Variants in FBXW10B observed in about 807,000 individuals in gnomAD.
FBXW10B encodes F-box and WD repeat domain containing protein 10B.
chr17:15,610,296 C>T, the FBXW10B span, among the ~76,000 whole-genome samples: 1 of 152,220 alleles, frequency 6.6e-6, no homozygotes, highest in Non-Finnish European at 1.5e-5. Flanking sequence ...CACTCTCTTA[C>T]AGACTAAGAG....
the FBXW10B span, among the ~76,000 whole-genome samples, chr17:15,611,560 G>A: frequency 1.3e-5 from 2 of 152,060 alleles, no homozygotes; most frequent in African/African-American, 4.8e-5. Context: ...CACACCGTCC[G>A]CTACTCCCCA....
the FBXW10B span, chr17:15,618,921 T>G: frequency 5.1e-6 from 8 of 1,557,792 alleles, no homozygotes; most frequent in Non-Finnish European, 6.9e-6. Context: ...ACCTATGTTG[T>G]CTACAACTGC....
chr17:15,601,727 C>T, the FBXW10B span, among the ~76,000 whole-genome samples: 4 of 152,160 alleles, frequency 2.6e-5, no homozygotes, highest in African/African-American at 9.7e-5. Flanking sequence ...AAATTCAATG[C>T]AGCCCAAATA....
At chr17:15,604,628 G>A in the FBXW10B span, among the ~76,000 whole-genome samples, 7 of 151,938 alleles carry the variant, frequency 4.6e-5, no homozygotes, top group Non-Finnish European at 5.9e-5. Context: ...TCCACCTCCC[G>A]GGTTCACACC....
the FBXW10B span, among the ~76,000 whole-genome samples, chr17:15,582,349 A>G: frequency 0.034 from 5,110 of 151,840 alleles, 248 homozygotes; most frequent in African/African-American, 0.11. Context: ...ATGAAAAATG[A>G]ACACTCTTTT....
At chr17:15,608,442 G>C in the FBXW10B span, among the ~76,000 whole-genome samples, 1 of 151,588 alleles carries the variant, frequency 6.6e-6, no homozygotes, top group South Asian at 2.1e-4. Context: ...TTACAGGCGT[G>C]AGCCACCAGG....
the FBXW10B span, among the ~76,000 whole-genome samples, chr17:15,580,439 CAT>C: frequency 1.0e-3 from 150 of 150,184 alleles, no homozygotes; most frequent in Non-Finnish European, 1.9e-3. Flanking sequence ...GTTTAAAAAA[CAT>C]GTTTTGTATG....
chr17:15,582,003 A>T, the FBXW10B span, among the ~76,000 whole-genome samples: 4 of 149,992 alleles, frequency 2.7e-5, no homozygotes, highest in Admixed American at 6.6e-5. Context: ...TAAAAAGGAG[A>T]AAAAGGACTA....
the FBXW10B span, among the ~76,000 whole-genome samples, chr17:15,611,925 A>G: frequency 6.6e-6 from 1 of 152,216 alleles, no homozygotes; most frequent in African/African-American, 2.4e-5. Flanking sequence ...CTAGAGCCAG[A>G]GTAAACCTGA....
At chr17:15,605,353 G>C in the FBXW10B span, 1 of 1,590,244 alleles carries the variant, frequency 6.3e-7, no homozygotes, top group African/African-American at 1.4e-5. Context: ...TCCAGAAGAT[G>C]GATCTTTCGA....
chr17:15,608,408 C>T, the FBXW10B span, among the ~76,000 whole-genome samples: 16 of 151,706 alleles, frequency 1.1e-4, no homozygotes, highest in African/African-American at 3.6e-4. Context: ...GATCTGCCTG[C>T]CTCGGCTTCC....
chr17:15,614,938 A>T, the FBXW10B span, among the ~76,000 whole-genome samples: 1 of 152,144 alleles, frequency 6.6e-6, no homozygotes, highest in Non-Finnish European at 1.5e-5. Flanking sequence ...AAAAATAGCC[A>T]TTGGTGGGTT....
chr17:15,577,792 A>C, the FBXW10B span, among the ~76,000 whole-genome samples: 15 of 152,312 alleles, frequency 9.8e-5, no homozygotes, highest in South Asian at 4.1e-4. Context: ...GTAAAGGTTC[A>C]TTTGGGCACC....
the FBXW10B span, chr17:15,573,127 C>T: frequency 6.6e-6 from 1 of 152,160 alleles, no homozygotes; most frequent in South Asian, 2.1e-4. Flanking sequence ...TGTATCTTCA[C>T]CTTTGTTACA....
chr17:15,618,184 A>C, the FBXW10B span, among the ~76,000 whole-genome samples: 1 of 152,114 alleles, frequency 6.6e-6, no homozygotes, highest in Non-Finnish European at 1.5e-5. Flanking sequence ...CAAAAAAATT[A>C]GGACATGGTG....
At chr17:15,577,853 G>GA in the FBXW10B span, among the ~76,000 whole-genome samples, 1 of 151,790 alleles carries the variant, frequency 6.6e-6, no homozygotes. Flanking sequence ...TCACTTCACT[G>GA]AAAAAACACA....
the FBXW10B span, chr17:15,619,096 T>C: frequency 9.3e-6 from 15 of 1,613,850 alleles, no homozygotes; most frequent in Admixed American, 6.7e-5. Context: ...TCTGCAGCAG[T>C]AAGAGAGTAT....
the FBXW10B span, chr17:15,593,413 T>A: frequency 1.1e-5 from 17 of 1,613,890 alleles, no homozygotes; most frequent in African/African-American, 1.3e-5. Flanking sequence ...CAGTTCCCAT[T>A]GAAGAAATTG....
At chr17:15,606,857 T>C in the FBXW10B span, among the ~76,000 whole-genome samples, 1 of 152,172 alleles carries the variant, frequency 6.6e-6, no homozygotes, top group Admixed American at 6.6e-5. Flanking sequence ...ATTGTCAAGA[T>C]GCAATTTGTT....
Sources: gnomAD v4.1 joint callset for allele counts (sites outside exome capture counted in the v4.1 genomes callset) on GRCh38, gnomAD v4.1.1 for gene constraint, MANE v1.5 for transcripts, NCBI Gene and HGNC (gene_info 2026-07-23, HGNC 2026-07-21) for gene names.